Variants in LRMDA observed in about 807,000 individuals in gnomAD.
The protein encoded by LRMDA is leucine-rich melanocyte differentiation-associated protein.
A neutral mutation model predicts 29.8 loss-of-function variants in LRMDA; 18 were observed. That is an observed-to-expected ratio of 0.60 (90% CI 0.42 to 0.90). The LOEUF is 0.90. LRMDA is among the 40% of genes least tolerant of loss of function. The pLI, the probability that LRMDA is intolerant of heterozygous loss-of-function variation, is 0.00. For missense variants in LRMDA, 273 were observed against 273.9 expected, an observed-to-expected ratio of 1.00 and a Z score of 0.02; for synonymous variants, 125 against 109.4, an observed-to-expected ratio of 1.14 and a Z score of -0.89.
At chr10:75,503,243 A>G (rs1845135195) in intron 2 of LRMDA, among the ~76,000 whole-genome samples, 2 of 152,030 alleles carry the variant, frequency 1.3e-5, no homozygotes. Context: ...TTAAAAAATA[A>G]GTTTGCACAT....
intron 2 of LRMDA, among the ~76,000 whole-genome samples, chr10:75,816,106 A>G (rs1844054859): frequency 6.6e-6 from 1 of 152,222 alleles, no homozygotes; most frequent in Non-Finnish European, 1.5e-5. Context: ...GGTCAGTGTC[A>G]TCTATCCCAG....
intron 5 of LRMDA, among the ~76,000 whole-genome samples, chr10:76,225,038 G>A (rs1365951722): frequency 6.6e-6 from 1 of 151,854 alleles, no homozygotes; most frequent in Admixed American, 6.6e-5. Flanking sequence ...TTAATTAAAC[G>A]TTTAACACAT....
chr10:75,862,794 C>T (rs533200772), intron 2 of LRMDA, among the ~76,000 whole-genome samples: 1 of 152,238 alleles, frequency 6.6e-6, no homozygotes, highest in East Asian at 1.9e-4. Context: ...TTTCAAAGTA[C>T]CCTCAGGATG....
chr10:76,018,193 G>A (rs951111983), intron 2 of LRMDA, among the ~76,000 whole-genome samples: 4 of 152,266 alleles, frequency 2.6e-5, no homozygotes, highest in African/African-American at 9.6e-5. Context: ...TCTAATCCAG[G>A]GTTTCTTAAC....
intron 6 of LRMDA, among the ~76,000 whole-genome samples, chr10:76,518,032 T>C (rs1159870793): frequency 6.6e-6 from 1 of 151,400 alleles, no homozygotes; most frequent in Non-Finnish European, 1.5e-5. Context: ...TAGAAACATG[T>C]CTAAAGGGAT....
chr10:76,267,043 A>G (rs2132316255), intron 5 of LRMDA, among the ~76,000 whole-genome samples: 1 of 152,214 alleles, frequency 6.6e-6, no homozygotes, highest in African/African-American at 2.4e-5. Flanking sequence ...GATAGACCCA[A>G]GATAGTCATG....
At chr10:76,112,185 C>A (rs192906533) in intron 5 of LRMDA, among the ~76,000 whole-genome samples, 77 of 152,258 alleles carry the variant, frequency 5.1e-4, no homozygotes, top group Middle Eastern at 3.4e-3. Flanking sequence ...GACGGGGACC[C>A]CTGTCTCCTT....
chr10:76,116,568 T>C (rs904708125), intron 5 of LRMDA, among the ~76,000 whole-genome samples: 11 of 152,092 alleles, frequency 7.2e-5, no homozygotes, highest in Non-Finnish European at 1.6e-4. Flanking sequence ...GACTTGAGTC[T>C]TTACTCTCCT....
chr10:75,892,423 C>G (rs6480793), intron 2 of LRMDA, among the ~76,000 whole-genome samples: 59,333 of 151,890 alleles, frequency 0.39, 13,489 homozygotes, highest in South Asian at 0.5. Context: ...ATGAGATATT[C>G]CAACTCACTA....
intron 6 of LRMDA, among the ~76,000 whole-genome samples, chr10:76,556,951 G>C (rs1843565714): frequency 6.6e-6 from 1 of 152,190 alleles, no homozygotes; most frequent in South Asian, 2.1e-4. Flanking sequence ...CTAGCATGTG[G>C]AAGAGAAGTC....
chr10:76,021,579 C>T, intron 2 of LRMDA, among the ~76,000 whole-genome samples: 1 of 152,172 alleles, frequency 6.6e-6, no homozygotes, highest in East Asian at 1.9e-4. Context: ...AAATAATTTG[C>T]TGCCTGCTTC....
chr10:76,420,209 G>A (rs1404906973), intron 6 of LRMDA, among the ~76,000 whole-genome samples: 1 of 151,670 alleles, frequency 6.6e-6, no homozygotes, highest in Admixed American at 6.6e-5. Flanking sequence ...TTGTGGTAAG[G>A]CATTTAATTA....
At chr10:75,662,839 A>G (rs1000417617) in intron 2 of LRMDA, among the ~76,000 whole-genome samples, 2 of 152,352 alleles carry the variant, frequency 1.3e-5, no homozygotes, top group Admixed American at 6.5e-5. Flanking sequence ...TCCTGGCTGC[A>G]GTGACAGAAA....
chr10:76,392,578 C>T (rs1490555385), intron 6 of LRMDA, among the ~76,000 whole-genome samples: 7 of 151,992 alleles, frequency 4.6e-5, no homozygotes, highest in Non-Finnish European at 7.4e-5. Flanking sequence ...TTGAGTGTCA[C>T]ATTGGTGTCC....
intron 5 of LRMDA, among the ~76,000 whole-genome samples, chr10:76,301,283 T>C (rs1456234887): frequency 6.6e-6 from 1 of 152,214 alleles, no homozygotes. Context: ...AAATAACTCA[T>C]GCTGTTATAT....
chr10:76,094,610 T>G (rs1849284856), intron 5 of LRMDA, among the ~76,000 whole-genome samples: 1 of 152,196 alleles, frequency 6.6e-6, no homozygotes, highest in South Asian at 2.1e-4. Context: ...AAGGTGTCCA[T>G]GGACTGGTGC....
intron 2 of LRMDA, among the ~76,000 whole-genome samples, chr10:75,887,247 TGTG>T (rs777967241): frequency 1.8e-4 from 28 of 151,706 alleles, no homozygotes; most frequent in Admixed American, 2.6e-4. Flanking sequence ...TTTGGAGAGA[TGTG>T]GTGACTGCTA....
chr10:75,763,485 G>A (rs949125926), intron 2 of LRMDA, among the ~76,000 whole-genome samples: 17 of 152,104 alleles, frequency 1.1e-4, no homozygotes, highest in Admixed American at 8.5e-4. Context: ...TAAATTATAG[G>A]AATAGCTCTC....
At chr10:75,985,437 C>G (rs576311077) in intron 2 of LRMDA, among the ~76,000 whole-genome samples, 1 of 152,364 alleles carries the variant, frequency 6.6e-6, no homozygotes, top group Admixed American at 6.5e-5. Context: ...CTCCTGCCAC[C>G]TCACAGCTCT....
Sources: gnomAD v4.1 joint callset for allele counts (sites outside exome capture counted in the v4.1 genomes callset) on GRCh38, gnomAD v4.1.1 for gene constraint, MANE v1.5 for transcripts, NCBI Gene and HGNC (gene_info 2026-07-23, HGNC 2026-07-21) for gene names.